The following DHRS3 variants were observed in gnomAD, a reference collection of about 807,000 sequenced individuals.
DHRS3 encodes the protein dehydrogenase/reductase 3.
Under a neutral mutation model 27.2 loss-of-function variants are expected in DHRS3, and 14 were observed. The observed-to-expected ratio is 0.52, with a 90% CI of 0.34 to 0.81. The LOEUF is 0.81. Among genes scored for constraint, DHRS3 ranks in the 30% least tolerant of loss-of-function variants. The pLI is 0.01. For synonymous variants in DHRS3, 165 were observed against 175.9 expected, an observed-to-expected ratio of 0.94 and a Z score of 0.49; for missense variants, 322 against 406.2, an observed-to-expected ratio of 0.79 and a Z score of 1.78.
chr1:12,611,934 A>AAAATAAATAAATAAATAACT (rs1646912388), intron 1 of DHRS3, among the ~76,000 whole-genome samples: 1 of 144,744 alleles, frequency 6.9e-6, no homozygotes. Context: ...CTCTATTTTT[A>AAAATAAATAAATAAATAACT]AAATAAATAA....
At chr1:12,599,836 C>T (rs1369722207) in intron 1 of DHRS3, among the ~76,000 whole-genome samples, 1 of 152,172 alleles carries the variant, frequency 6.6e-6, no homozygotes, top group East Asian at 1.9e-4. Context: ...GGCTGTGTGA[C>T]CTTGGGCAAG....
Position 12,578,660 on chromosome 1 carries a change from A to AT in DHRS3, c.698+57dup. 6.6e-7 allele frequency: 1 copy of AT among 1,525,438 alleles called. No individual in the cohort carries two copies. Among genetic ancestry groups the AT allele is most frequent in the Non-Finnish European group, 9.1e-7 (1 of 1,102,710 alleles). The allele number at this position is 1,525,438 out of a possible 1,614,324, so 94.5% of individuals were successfully genotyped here. A position where few individuals can be genotyped will look rare whatever the true frequency, so the allele number is the denominator to read the frequency against. On this transcript the variant is annotated intron_variant, in intron 4 of 5. Transcript: ENST00000616661. This position sits in a 1 kb window ranked among gnomAD's most constrained non-coding sequence, Gnocchi z 4.5. ...GCTCTTTCTGCAGTTGGCTGACTGAATGGCTTGGGGAGGCAGGTGAGAAGG... is the reference window on the plus strand; with the variant it reads ...GCTCTTTCTGCAGTTGGCTGACTGAATTGGCTTGGGGAGGCAGGTGAGAAGG...
rs4300229 is a variant in DHRS3 at position 12,574,006 on chromosome 1, T to G, written c.699-1153A>C. Reference sequence around the variant, plus strand: ...CCCCAATCCCACAAAGAGCTTGTGATCCGCTCTGGCACCAGGAAGATTAAG... The same window carrying G: ...CCCCAATCCCACAAAGAGCTTGTGAGCCGCTCTGGCACCAGGAAGATTAAG... On this transcript the variant is annotated intron_variant, in intron 4 of 5. Coordinates refer to ENST00000616661, the MANE Select transcript of DHRS3 (RefSeq NM_004753.7). This position sits in a 1 kb window ranked among gnomAD's most constrained non-coding sequence, Gnocchi z 4.6. Among the ~76,000 whole-genome samples the G allele has an allele frequency of 0.042, 6,398 of 152,176 alleles. 196 individuals carry two copies. The highest frequency in any genetic ancestry group is 0.17 in the East Asian group (881 of 5,166).
At position 12,593,189 on chromosome 1, in the gene DHRS3, A is replaced by G. The variant is rs1646760760; in HGVS notation, c.196-12523T>C. Reference sequence around the variant, plus strand: ...AGACTGGAATCTAGTGTTTACTGGGATCGCAGGCCCTTCCTGGTCTGCCCC... The same window carrying G: ...AGACTGGAATCTAGTGTTTACTGGGGTCGCAGGCCCTTCCTGGTCTGCCCC... On this transcript the variant is annotated intron_variant, in intron 1 of 5. Transcript: ENST00000616661. This position sits in a 1 kb window ranked among gnomAD's most constrained non-coding sequence, Gnocchi z 4.6. Among the ~76,000 whole-genome samples the G allele has an allele frequency of 6.6e-6, 1 of 152,136 alleles. No individual in the cohort carries two copies. Among genetic ancestry groups the G allele is most frequent in the Admixed American group, 6.5e-5 (1 of 15,278 alleles).
At chr1:12,599,049 G>A (rs55636637) in intron 1 of DHRS3, among the ~76,000 whole-genome samples, 8,862 of 152,308 alleles carry the variant, frequency 0.058, 370 homozygotes, top group South Asian at 0.095. Flanking sequence ...CTAATTAAAC[G>A]TAATTTATGG....
At chr1:12,585,586 T>C (rs934088339) in intron 1 of DHRS3, among the ~76,000 whole-genome samples, 6 of 152,206 alleles carry the variant, frequency 3.9e-5, no homozygotes, top group African/African-American at 1.4e-4. Flanking sequence ...TGGTAGGTGC[T>C]GCCCTGTGGA....
At chr1:12,579,115 G>A (rs187468511) in intron 3 of DHRS3, 159 bp from the exon 4 acceptor site, 38 of 1,281,540 alleles carry the variant, frequency 3.0e-5, no homozygotes, top group African/African-American at 2.8e-4. Context: ...CCAGGACACC[G>A]AGCATATTTC....
intron 1 of DHRS3, among the ~76,000 whole-genome samples, chr1:12,581,970 C>T (rs79558174): frequency 2.0e-5 from 3 of 152,264 alleles, no homozygotes; most frequent in Non-Finnish European, 4.4e-5. Context: ...AACCCCAACG[C>T]GTGAAACCTA....
rs1221164089 is a variant in DHRS3, at chr1:12,578,079, G to A, written c.698+639C>T. 6.6e-6 allele frequency among the ~76,000 whole-genome samples: 1 copy of A among 152,156 alleles called. No homozygotes were observed. Among genetic ancestry groups the A allele is most frequent in the Non-Finnish European group, 1.5e-5 (1 of 68,030 alleles). The stretch of plus-strand genomic sequence containing the variant: ...TTGCCTGTTTTGGAACTTCATACAG[G>A]TGGAACCAGGCAGAATGCACCCTAT... On this transcript the variant is annotated intron_variant, in intron 4 of 5. Transcript: ENST00000616661. This position sits in a 1 kb window ranked among gnomAD's most constrained non-coding sequence, Gnocchi z 4.5.
chr1:12,575,768 G>A (rs900620277), intron 4 of DHRS3, among the ~76,000 whole-genome samples: 45 of 152,036 alleles, frequency 3.0e-4, no homozygotes, highest in South Asian at 4.2e-4. Flanking sequence ...GTGCAATTGT[G>A]CAATCTCAGC....
At position 12,574,791 on chromosome 1, in the gene DHRS3, C is replaced by T. The variant is rs538187899; in HGVS notation, c.699-1938G>A. ...CTCCACGGTGTGTGGGATGGGGACA[C>T]GGGGAACTGGCACAGCTATTAACTC... On this transcript the variant is annotated intron_variant, in intron 4 of 5. Coordinates refer to ENST00000616661, the MANE Select transcript of DHRS3 (RefSeq NM_004753.7). The surrounding 1 kb of genome is among the most constrained non-coding windows in gnomAD (Gnocchi z 4.6). Among the ~76,000 whole-genome samples the T allele has an allele frequency of 6.0e-4, 91 of 152,272 alleles. 1 individual carries two copies. Among genetic ancestry groups the T allele is most frequent in the African/African-American group, 2.1e-3 (86 of 41,548 alleles).
At position 12,605,795 on chromosome 1, in the gene DHRS3, C is replaced by T. The variant is rs547097067; in HGVS notation, c.195+11359G>A. The stretch of plus-strand genomic sequence containing the variant: ...AGTGAAGCTTGCTTAGATGGAAGAA[C>T]GGTGAAATCACTGATACTTTATGAA... On this transcript the variant is annotated intron_variant, in intron 1 of 5. Coordinates refer to ENST00000616661, the MANE Select transcript of DHRS3 (RefSeq NM_004753.7). 6.1e-4 allele frequency among the ~76,000 whole-genome samples: 93 copies of T among 152,194 alleles called. 1 individual carries two copies. The highest frequency in any genetic ancestry group is 2.2e-3 in the African/African-American group (90 of 41,534).
intron 1 of DHRS3, among the ~76,000 whole-genome samples, chr1:12,596,554 C>T (rs554709672): frequency 2.6e-5 from 4 of 152,044 alleles, no homozygotes; most frequent in Admixed American, 2.0e-4. Context: ...GCGGAGCTCC[C>T]AGAGCAGCCC....
chr1:12,601,534 G>A (rs1301734634), intron 1 of DHRS3, among the ~76,000 whole-genome samples: 3 of 152,122 alleles, frequency 2.0e-5, no homozygotes, highest in Admixed American at 2.0e-4. Context: ...CCCAAAGTCA[G>A]CCCTACCCAG....
intron 3 of DHRS3, 108 bp from the exon 4 acceptor site, chr1:12,579,064 C>G (rs1646618703): frequency 7.9e-7 from 1 of 1,261,282 alleles, no homozygotes; most frequent in Non-Finnish European, 1.1e-6. Flanking sequence ...GCTCTAGGGC[C>G]CGAGCCTTCC....
At chr1:12,611,352 A>G (rs1365589336) in intron 1 of DHRS3, among the ~76,000 whole-genome samples, 1 of 152,214 alleles carries the variant, frequency 6.6e-6, no homozygotes, top group Non-Finnish European at 1.5e-5. Flanking sequence ...AAAACCAGGA[A>G]ATTTTGTTTG....
rs1025974162 is a variant in DHRS3, at chr1:12,608,564, C to A, written c.195+8590G>T. Among the ~76,000 whole-genome samples, 2 of 152,156 alleles carry A rather than the reference C, an allele frequency of 1.3e-5. No individual in the cohort carries two copies. The highest frequency in any genetic ancestry group is 2.9e-5 in the Non-Finnish European group (2 of 68,024). On this transcript the variant is annotated intron_variant, in intron 1 of 5. Transcript: ENST00000616661. The surrounding 1 kb of genome is among the most constrained non-coding windows in gnomAD (Gnocchi z 4.1). ...CTGGTGTCCTCTTTTCCTCCTGCCCCCTGCCCCTGCCCCTGCCTGTGTCAT... is the reference window on the plus strand; with the variant it reads ...CTGGTGTCCTCTTTTCCTCCTGCCCACTGCCCCTGCCCCTGCCTGTGTCAT...
Position 12,572,864 on chromosome 1 carries a change from G to A in DHRS3, c.699-11C>T. The A allele has an allele frequency of 6.3e-7, 1 of 1,586,412 alleles. No individual in the cohort carries two copies. The highest frequency in any genetic ancestry group is 8.6e-7 in the Non-Finnish European group (1 of 1,166,628). On this transcript the variant is annotated splice_polypyrimidine_tract_variant and intron_variant, in intron 4 of 5. Coordinates refer to ENST00000616661, the MANE Select transcript of DHRS3 (RefSeq NM_004753.7). ...AAGAGGTTGGGAAACCTGAACACAG[G>A]AAGAGACACAGTGGGTTTCTCCTGG...
chr1:12,598,038 G>A (rs1262686489), intron 1 of DHRS3, among the ~76,000 whole-genome samples: 1 of 152,204 alleles, frequency 6.6e-6, no homozygotes, highest in Non-Finnish European at 1.5e-5. Flanking sequence ...AGCTCCGGCA[G>A]AGCCACTCCA....
Sources: gnomAD v4.1 joint callset for allele counts (sites outside exome capture counted in the v4.1 genomes callset) on GRCh38, gnomAD v4.1.1 for gene constraint, Gnocchi (gnomAD v3.1) non-coding constraint, MANE v1.5 for transcripts, NCBI Gene and HGNC (gene_info 2026-07-23, HGNC 2026-07-21) for gene names.